NUTM2F: variants seen among roughly 807,000 people sequenced by gnomAD.
NUTM2F encodes NUT family member 2F.
Under a neutral mutation model 43.3 loss-of-function variants are expected in NUTM2F, and 22 were observed. That is an observed-to-expected ratio of 0.51 (90% CI 0.36 to 0.73). The LOEUF is 0.73. Ranked by LOEUF, NUTM2F falls within the 30% of genes least tolerant of loss-of-function variation. The pLI is 0.00. For missense variants in NUTM2F, 488 were observed against 927.4 expected (o/e 0.53, Z 6.15); for synonymous variants, 202 against 389.0 (o/e 0.52, Z 5.66).
At position 94,320,586 on chromosome 9, in the gene NUTM2F, A is replaced by G; in HGVS notation, c.990T>C (p.Leu330=). 3.1e-6 allele frequency: 5 copies of G among 1,605,416 alleles called. No individual in the cohort carries two copies. In the South Asian group the frequency reaches 5.5e-5, roughly 18 times the overall value. ...GGGCCTTGGGGCCATCCTTGCTGGG[A>G]AGGTACACTGAGGCAGAGAGGGAGG... The part of the protein sequence containing the change: ...APEVVKQPVY[L]PSKDGPKAPT... The change falls in exon 5 of 7, where the codon CTT becomes CTC. Residue 330 remains leucine, a synonymous_variant. Transcript: ENST00000253262. This position sits in a 1 kb window ranked among gnomAD's most constrained non-coding sequence, Gnocchi z 4.5.
intron 1 of NUTM2F, among the ~76,000 whole-genome samples, chr9:94,326,260 G>A (rs577761189): frequency 6.6e-6 from 1 of 152,234 alleles, no homozygotes; most frequent in South Asian, 2.1e-4. Flanking sequence ...GGTCAGGGAT[G>A]AGTCTCTCGG....
In NUTM2F at chr9:94,320,413, T is replaced by C; in HGVS notation, c.1163A>G (p.Glu388Gly). 1 of 1,612,752 alleles carries C rather than the reference T, an allele frequency of 6.2e-7. No individual in the cohort carries two copies. Among genetic ancestry groups the C allele is most frequent in the Non-Finnish European group, 8.5e-7 (1 of 1,179,844 alleles). ...CTGCACCACTTCAGGGGGGATCTCC[T>C]CAGGGACCTTGGTCTCCGCTGGCCT... ...PQRPAETKVP[E>G]EIPPEVVQEY... Residue 388 changes from glutamate (E) to glycine (G), a missense_variant, in exon 5 of 7, where the codon GAG becomes GGG. Transcript: ENST00000253262. The surrounding 1 kb of genome is among the most constrained non-coding windows in gnomAD (Gnocchi z 4.5).
intron 3 of NUTM2F, among the ~76,000 whole-genome samples, chr9:94,321,934 G>C (rs1406626701): frequency 6.6e-6 from 1 of 151,662 alleles, no homozygotes; most frequent in Non-Finnish European, 1.5e-5. Context: ...GGGCTGCGAT[G>C]CTGGCTGCTC....
chr9:94,325,818 T>A lies in NUTM2F; in HGVS notation c.133A>T (p.Thr45Ser), dbSNP rs768253061. The change falls in exon 2 of 7, where the codon ACT becomes TCT. Residue 45 changes from threonine to serine, a missense_variant. Thr to Ser is a moderately conservative substitution (Grantham distance 58). Coordinates refer to ENST00000253262, the MANE Select transcript of NUTM2F (RefSeq NM_017561.2). ...GGGCCGGCTGGAGGAACCACTGCAG[T>A]CACGAGGGGCGGCCTGTGTGCTGGG... ...PGPAHRPPLV[T>S]AVVPPAGPLV... 20 of 1,611,824 alleles carry A rather than the reference T, an allele frequency of 1.2e-5. No homozygotes were observed. Among genetic ancestry groups the A allele is most frequent in the Admixed American group, 1.7e-5 (1 of 59,972 alleles).
chr9:94,319,541 T>G lies in NUTM2F; in HGVS notation c.1485+72A>C, dbSNP rs1385029238. On this transcript the variant is annotated intron_variant, in intron 6 of 6. Coordinates refer to ENST00000253262, the MANE Select transcript of NUTM2F (RefSeq NM_017561.2). ...TCCCCAGCAGGGTGGGCTTAGACAA[T>G]CGGGTGGGCCTTGTGTGCCGGGTCC... 3.1e-6 allele frequency: 5 copies of G among 1,599,194 alleles called. No homozygotes were observed. The African/African-American group carries it at 6.7e-5, about 21-fold the overall frequency.
chr9:94,324,975 G>GA (rs979416537), intron 2 of NUTM2F, among the ~76,000 whole-genome samples: 1 of 138,754 alleles, frequency 7.2e-6, no homozygotes, highest in Non-Finnish European at 1.5e-5. Context: ...CAACAAGAGT[G>GA]AAAGTCCATC....
At chr9:94,323,793 G>A (rs192934813) in intron 2 of NUTM2F, among the ~76,000 whole-genome samples, 93 of 152,226 alleles carry the variant, frequency 6.1e-4, no homozygotes, top group African/African-American at 2.0e-3. Context: ...ACCCTAGTGC[G>A]GGTCCCAAGA....
At chr9:94,321,008 G>C in intron 4 of NUTM2F, 85 bp downstream of exon 4, 1 of 1,490,216 alleles carries the variant, frequency 6.7e-7, no homozygotes, top group Non-Finnish European at 8.9e-7. Context: ...CCCTCTTGAA[G>C]GGAAGCATGG....
chr9:94,319,826 T>A, intron 5 of NUTM2F, 97 bp from the exon 6 acceptor site: 17 of 1,508,982 alleles, frequency 1.1e-5, no homozygotes, highest in Non-Finnish European at 1.3e-5. Flanking sequence ...GAGGGCCCCA[T>A]TCCCACCCTC....
rs1831339812 is a variant in NUTM2F at position 94,320,244 on chromosome 9, AATGT to A, written c.1328_1331del (p.Tyr443LeufsTer38). ...AGTCTTCCTGGGAACACAGCTTGTCAATGTAGCTCAGGAGGCCCGGGTCTGAGGT... is the reference window on the plus strand; with the variant it reads ...AGTCTTCCTGGGAACACAGCTTGTCAAGCTCAGGAGGCCCGGGTCTGAGGT... On this transcript the variant is annotated frameshift_variant, in exon 5 of 7. Transcript: ENST00000253262. LOFTEE classifies it high-confidence loss of function. The surrounding 1 kb of genome is among the most constrained non-coding windows in gnomAD (Gnocchi z 4.5). 1.2e-6 allele frequency: 2 copies of A among 1,613,938 alleles called. No individual in the cohort carries two copies. The highest frequency in any genetic ancestry group is 3.3e-5 in the Admixed American group (2 of 60,014).
intron 3 of NUTM2F, among the ~76,000 whole-genome samples, chr9:94,321,798 C>T (rs1479875644): frequency 6.7e-6 from 1 of 149,958 alleles, no homozygotes; most frequent in African/African-American, 2.4e-5. Flanking sequence ...TGACCCAACT[C>T]CCTGGCCAGG....
intron 2 of NUTM2F, among the ~76,000 whole-genome samples, 188 bp from the exon 3 acceptor site, chr9:94,322,517 A>C (rs2118729965): frequency 6.6e-6 from 1 of 152,308 alleles, no homozygotes; most frequent in African/African-American, 2.4e-5. Context: ...GAAGCCACTG[A>C]GTGGCCTCTC....
At chr9:94,324,387 G>A (rs1397503895) in intron 2 of NUTM2F, among the ~76,000 whole-genome samples, 1 of 152,032 alleles carries the variant, frequency 6.6e-6, no homozygotes, top group Non-Finnish European at 1.5e-5. Context: ...TGAAAGCCAG[G>A]CACGGTGGCT....
chr9:94,323,947 G>A (rs977097017), intron 2 of NUTM2F, among the ~76,000 whole-genome samples: 33 of 152,262 alleles, frequency 2.2e-4, no homozygotes, highest in Admixed American at 1.8e-3. Context: ...CACTCAGTTC[G>A]AGGGAAGGCA....
intron 3 of NUTM2F, among the ~76,000 whole-genome samples, chr9:94,321,468 G>T: frequency 6.7e-6 from 1 of 148,906 alleles, no homozygotes; most frequent in East Asian, 2.0e-4. Context: ...ACTCAAGTCA[G>T]GGCCACGAGG....
intron 3 of NUTM2F, among the ~76,000 whole-genome samples, chr9:94,321,945 C>T (rs1184727114): frequency 6.6e-6 from 1 of 151,668 alleles, no homozygotes; most frequent in Non-Finnish European, 1.5e-5. Flanking sequence ...CTGGCTGCTC[C>T]CGCCATGACC....
intron 1 of NUTM2F, among the ~76,000 whole-genome samples, chr9:94,326,316 C>G (rs905169073): frequency 6.6e-6 from 1 of 151,766 alleles, no homozygotes; most frequent in Non-Finnish European, 1.5e-5. Context: ...GAGGGGCCTA[C>G]CCCAGGGCAG....
rs563501544 is a variant in NUTM2F, at chr9:94,322,228, C to T, written c.815G>A (p.Arg272Gln). Residue 272 changes from arginine (R) to glutamine (Q), a missense_variant, in exon 3 of 7, where the codon CGG becomes CAG. By Grantham distance (43) the Arg-to-Gln change is conservative. Transcript: ENST00000253262. ...REWQHTSNFD[R>Q]MIFYEMAEKF... ...TTCCGCCATCTCGTAGAAGATCATC[C>T]GGTCAAAGTTGCTCGTGTGCTGCCA... The T allele has an allele frequency of 1.2e-4, 189 of 1,612,116 alleles. No homozygotes were observed. The highest frequency in any genetic ancestry group is 4.7e-4 in the Admixed American group (28 of 60,022).
chr9:94,320,380 A>G lies in NUTM2F; in HGVS notation c.1196T>C (p.Val399Ala). Residue 399 changes from valine (V) to alanine (A), a missense_variant, in exon 5 of 7, where the codon GTG becomes GCG. Coordinates refer to ENST00000253262, the MANE Select transcript of NUTM2F (RefSeq NM_017561.2). This position sits in a 1 kb window ranked among gnomAD's most constrained non-coding sequence, Gnocchi z 4.5. ...CCCCAGCAGCTCCTCCATGATGTCC[A>G]CATACTCCTGCACCACTTCAGGGGG... ...EIPPEVVQEY[V>A]DIMEELLGSH... 6.2e-7 allele frequency: 1 copy of G among 1,613,274 alleles called. No homozygotes were observed. The highest frequency in any genetic ancestry group is 1.7e-5 in the Admixed American group (1 of 60,004).
Sources: allele counts gnomAD v4.1 joint callset (sites outside exome capture counted in the v4.1 genomes callset), GRCh38; gene constraint gnomAD v4.1.1; non-coding constraint Gnocchi (gnomAD v3.1); transcripts MANE v1.5; gene names NCBI Gene and HGNC (gene_info 2026-07-23, HGNC 2026-07-21).